NUP205: variants seen among roughly 807,000 people sequenced by gnomAD.
NUP205 encodes the protein nucleoporin 205.
NUP205 carries 76 observed loss-of-function variants against 253.8 expected under a neutral mutation model. The observed-to-expected ratio is 0.30, with a 90% CI of 0.25 to 0.36. NUP205 has a LOEUF of 0.36. Ranked by LOEUF, NUP205 falls within the 10% of genes least tolerant of loss-of-function variation. NUP205 has a pLI of 1.00. For missense variants in NUP205, 2,162 were observed against 2,425.5 expected (o/e 0.89, Z 2.28); for synonymous variants, 832 against 850.1 (o/e 0.98, Z 0.37).
At chr7:135,639,718 C>T (rs1405336537) in intron 38 of NUP205, among the ~76,000 whole-genome samples, 1 of 151,910 alleles carries the variant, frequency 6.6e-6, no homozygotes, top group Non-Finnish European at 1.5e-5. Context: ...TTAGTTTAAC[C>T]CAAAGGATTA....
Position 135,614,170 on chromosome 7 carries a change from G to GT in NUP205, c.3209dup (p.Leu1070PhefsTer6), listed in dbSNP as rs1794301372. The GT allele has an allele frequency of 1.3e-6, 2 of 1,589,588 alleles. No individual in the cohort carries two copies. The highest frequency in any genetic ancestry group is 1.7e-6 in the Non-Finnish European group (2 of 1,158,806). On this transcript the variant is annotated frameshift_variant, in exon 23 of 43. Transcript: ENST00000285968. LOFTEE classifies it high-confidence loss of function. ...CTTTAATGCTTTAGGTCATATATCA[G>GT]TTATGTGCATGCTCTGATACATCTG...
rs759900675 is a variant in NUP205, at chr7:135,595,953, A to T, written c.2013+1224A>T. ...AGCAAAAAAAATTTTTTTTTTTTTAAGATGAAGTTTTGCTCTTGTTGCCCA... is the reference window on the plus strand; with the variant it reads ...AGCAAAAAAAATTTTTTTTTTTTTATGATGAAGTTTTGCTCTTGTTGCCCA... On this transcript the variant is annotated intron_variant, in intron 13 of 42. Transcript: ENST00000285968. Among the ~76,000 whole-genome samples, 3 of 151,790 alleles carry T rather than the reference A, an allele frequency of 2.0e-5. No individual in the cohort carries two copies. The South Asian group carries it at 6.2e-4, about 32-fold the overall frequency.
At position 135,628,016 on chromosome 7, in the gene NUP205, G is replaced by C. The variant is rs137909330; in HGVS notation, c.4837G>C (p.Val1613Leu). The change falls in exon 34 of 43, where the codon GTG (valine) becomes CTG (leucine). Residue 1613 changes from valine (V) to leucine (L), a missense_variant. This residue lies in a region of NUP205 where 1,144 missense variants were observed against 1,280.9 expected (regional missense o/e 0.89). Transcript: ENST00000285968. ...RDPPMFIPTP[V>L]DRYRQILLPA... Reference sequence around the variant, plus strand: ...CCCTCCAATGTTCATCCCTACCCCAGTGGATCGCTACCGCCAGATTCTCCT... The same window carrying C: ...CCCTCCAATGTTCATCCCTACCCCACTGGATCGCTACCGCCAGATTCTCCT... 12 of 1,611,684 alleles carry C rather than the reference G, an allele frequency of 7.4e-6. No homozygotes were observed. In the African/African-American group the frequency reaches 1.6e-4, roughly 22 times the overall value.
At position 135,602,966 on chromosome 7, in the gene NUP205, A is replaced by G; in HGVS notation, c.2674A>G (p.Lys892Glu). 2.5e-6 allele frequency: 4 copies of G among 1,612,822 alleles called. No homozygotes were observed. Among genetic ancestry groups the G allele is most frequent in the Non-Finnish European group, 3.4e-6 (4 of 1,179,146 alleles). ...LLQGINPRTK[K>E]ADNVVNIARY... is the part of the protein sequence containing the mutation. ...GCAGGGAATTAATCCCAGAACTAAG[A>G]AGGCAGATAATGTGGTAAACATTGC... Residue 892 changes from lysine to glutamate, a missense_variant, in exon 18 of 43, where the codon AAG (lysine) becomes GAG (glutamate). Around this residue, in one of 5 missense-constraint regions of NUP205, gnomAD observed 892 missense variants for 957.1 expected, o/e 0.93. Transcript: ENST00000285968.
At chr7:135,621,904 G>A (rs1219798412) in intron 30 of NUP205, among the ~76,000 whole-genome samples, 1 of 152,014 alleles carries the variant, frequency 6.6e-6, no homozygotes, top group African/African-American at 2.4e-5. Context: ...CTGGGTTCAA[G>A]TGATTCTCCT....
Position 135,616,745 on chromosome 7 carries a change from G to A in NUP205, c.3532+19G>A, listed in dbSNP as rs989601146. On this transcript the variant is annotated intron_variant, in intron 25 of 42. Transcript: ENST00000285968. ...ACAAAAGGTAATGCCCTTTGAATTT[G>A]TAATAAATTTATTTTATAGACATAT... The A allele has an allele frequency of 5.8e-6, 8 of 1,381,872 alleles. No homozygotes were observed. Among genetic ancestry groups the A allele is most frequent in the Non-Finnish European group, 6.8e-6 (7 of 1,029,050 alleles). The allele number at this position is 1,381,872 out of a possible 1,614,324, so 85.6% of individuals were successfully genotyped here.
intron 7 of NUP205, among the ~76,000 whole-genome samples, chr7:135,580,155 T>TA (rs1324100695): frequency 5.9e-5 from 9 of 152,234 alleles, no homozygotes; most frequent in African/African-American, 1.9e-4. Context: ...TTTCTAATCC[T>TA]AAAGTATCAA....
At position 135,644,918 on chromosome 7, in the gene NUP205, T is replaced by A; in HGVS notation, c.5583T>A (p.Ala1861=). 5.6e-6 allele frequency: 9 copies of A among 1,614,088 alleles called. No individual in the cohort carries two copies. The highest frequency in any genetic ancestry group is 7.6e-6 in the Non-Finnish European group (9 of 1,179,928). Reference sequence around the variant, plus strand: ...AGTTGTGTCAGTCTGTGATGCCTGCTGGTGTTGATAAAATCTCCACTGCTC... The same window carrying A: ...AGTTGTGTCAGTCTGTGATGCCTGCAGGTGTTGATAAAATCTCCACTGCTC... The part of the protein sequence containing the change: ...IKELCQSVMP[A]GVDKISTAQK... The change falls in exon 40 of 43, where the codon GCT becomes GCA. Residue 1861 remains alanine (A), a synonymous_variant. Coordinates refer to ENST00000285968, the MANE Select transcript of NUP205 (RefSeq NM_015135.3).
chr7:135,611,524 C>T (rs183448542), intron 22 of NUP205, among the ~76,000 whole-genome samples: 30 of 152,246 alleles, frequency 2.0e-4, no homozygotes, highest in African/African-American at 7.0e-4. Flanking sequence ...TGTCTTCTTT[C>T]TCTTTGTGTA....
rs1806515744 is a variant in NUP205, at chr7:135,587,877, AC to A, written c.1361del (p.Pro454LeufsTer8). 1 of 1,613,278 alleles carries A rather than the reference AC, an allele frequency of 6.2e-7. No individual in the cohort carries two copies. ...MLLIGELYKK[N>X]PFHLELALEY... ...CAGATTGGCGAGCTATATAAAAAGA[AC>A]CCTTTTCATCTGGAGCTTGCTCTAG... On this transcript the variant is annotated frameshift_variant, in exon 10 of 43. Transcript: ENST00000285968. LOFTEE classifies it high-confidence loss of function.
chr7:135,562,343 G>A (rs1209390436), intron 1 of NUP205, among the ~76,000 whole-genome samples: 3 of 151,388 alleles, frequency 2.0e-5, no homozygotes, highest in Non-Finnish European at 4.4e-5. Flanking sequence ...GATTACAGGC[G>A]CCCACCACCA....
At chr7:135,642,843 GGTGTGTGTGT>G (rs57007288) in intron 38 of NUP205, among the ~76,000 whole-genome samples, 1,977 of 144,948 alleles carry the variant, frequency 0.014, 20 homozygotes, top group Middle Eastern at 0.032. Flanking sequence ...GATGTGGAGG[GGTGTGTGTGT>G]GTGTGTGTGT....
chr7:135,604,249 G>A (rs1477118383), intron 18 of NUP205, 91 bp from the exon 19 acceptor site: 2 of 1,092,062 alleles, frequency 1.8e-6, no homozygotes, highest in Non-Finnish European at 2.6e-6. Flanking sequence ...GTATGGGCAG[G>A]GGAAGCCCTG....
At chr7:135,609,131 G>C (rs1013426165) in intron 22 of NUP205, among the ~76,000 whole-genome samples, 1 of 146,718 alleles carries the variant, frequency 6.8e-6, no homozygotes, top group South Asian at 2.2e-4. Flanking sequence ...AAAAGAACCA[G>C]GCTTTATAAG....
At chr7:135,611,198 CGG>C (rs1240220513) in intron 22 of NUP205, among the ~76,000 whole-genome samples, 1 of 151,882 alleles carries the variant, frequency 6.6e-6, no homozygotes, top group Non-Finnish European at 1.5e-5. Context: ...TTAGTGGAGA[CGG>C]GGTTTCACCA....
intron 13 of NUP205, among the ~76,000 whole-genome samples, chr7:135,595,336 G>T (rs1793799406): frequency 6.6e-6 from 1 of 151,948 alleles, no homozygotes; most frequent in African/African-American, 2.4e-5. Flanking sequence ...CGATTCTTGT[G>T]CCTCAGCCTC....
Position 135,587,973 on chromosome 7 carries a change from A to G in NUP205, c.1454A>G (p.Gln485Arg). The G allele has an allele frequency of 1.9e-6, 3 of 1,613,344 alleles. No individual in the cohort carries two copies. The highest frequency in any genetic ancestry group is 1.7e-6 in the Non-Finnish European group (2 of 1,179,796). ...IMGSYLGVAHQRPPQRQVVLS... is the reference protein window; with the variant it reads ...IMGSYLGVAHRRPPQRQVVLS... Reference sequence around the variant, plus strand: ...GGCTCTTATCTAGGGGTGGCTCATCAGCGGCCCCCTCAACGCCAGGTGAGT... The same window carrying G: ...GGCTCTTATCTAGGGGTGGCTCATCGGCGGCCCCCTCAACGCCAGGTGAGT... The change falls in exon 10 of 43, where the codon CAG (glutamine) becomes CGG (arginine). Residue 485 changes from glutamine to arginine, a missense_variant. Physicochemically the swap from Gln to Arg is conservative, Grantham distance 43. This residue lies in a region of NUP205 where 892 missense variants were observed against 957.1 expected (regional missense o/e 0.93). Transcript: ENST00000285968.
intron 42 of NUP205, among the ~76,000 whole-genome samples, chr7:135,647,351 C>T (rs1795030713): frequency 6.6e-6 from 1 of 152,222 alleles, no homozygotes; most frequent in African/African-American, 2.4e-5. Flanking sequence ...CAAAGCACAG[C>T]TTGCTGGATA....
chr7:135,558,731 A>T (rs1242587474), intron 1 of NUP205, among the ~76,000 whole-genome samples: 1 of 152,218 alleles, frequency 6.6e-6, no homozygotes, highest in Non-Finnish European at 1.5e-5. Context: ...CGGGGCAAGG[A>T]TGCAGAAAGT....
Sources: gnomAD v4.1 joint callset for allele counts (sites outside exome capture counted in the v4.1 genomes callset) on GRCh38, gnomAD v4.1.1 for gene constraint, gnomAD v4.1.1 regional missense constraint, MANE v1.5 for transcripts, NCBI Gene and HGNC (gene_info 2026-07-23, HGNC 2026-07-21) for gene names.